The following EXTL3 variants were observed in gnomAD, a reference collection of about 807,000 sequenced individuals.
EXTL3 encodes the protein exostosin-like 3.
EXTL3 carries 27 observed loss-of-function variants against 69.3 expected under a neutral mutation model. That is an observed-to-expected ratio of 0.39 (90% confidence interval 0.29 to 0.54). EXTL3 has a LOEUF of 0.54. Ranked by LOEUF, EXTL3 falls within the 20% of genes least tolerant of loss-of-function variation. EXTL3 has a pLI of 0.69. For missense variants in EXTL3, 1,003 were observed against 1,231.8 expected, an observed-to-expected ratio of 0.81 and a Z score of 2.78; for synonymous variants, 511 against 499.4, an observed-to-expected ratio of 1.02 and a Z score of -0.31.
chr8:28,713,782 T>G (rs1367966838), intron 2 of EXTL3, among the ~76,000 whole-genome samples: 1 of 152,288 alleles, frequency 6.6e-6, no homozygotes, highest in East Asian at 1.9e-4. Flanking sequence ...AATATTATCA[T>G]CAACTTTAGG....
At chr8:28,712,006 C>A (rs1293867190) in intron 1 of EXTL3, among the ~76,000 whole-genome samples, 1 of 152,176 alleles carries the variant, frequency 6.6e-6, no homozygotes, top group African/African-American at 2.4e-5. Context: ...GGTTCCTCCC[C>A]TCGAGGATTA....
At chr8:28,608,120 A>G (rs1029979397) in intron 2 of EXTL3, among the ~76,000 whole-genome samples, 11 of 151,970 alleles carry the variant, frequency 7.2e-5, no homozygotes, top group African/African-American at 1.2e-4. Context: ...AAAAAAAAAA[A>G]AAAGAAAGAA....
chr8:28,680,146 C>T (rs1484897531), intron 1 of EXTL3, among the ~76,000 whole-genome samples: 1 of 151,630 alleles, frequency 6.6e-6, no homozygotes, highest in Non-Finnish European at 1.5e-5. Flanking sequence ...AATCCCAGCA[C>T]TTTGGGAGGC....
chr8:28,744,380 G>A (rs150219991), intron 6 of EXTL3, among the ~76,000 whole-genome samples: 3,168 of 152,312 alleles, frequency 0.021, 49 homozygotes, highest in Non-Finnish European at 0.033. Context: ...GTGTTCGACT[G>A]GGTGCGGTGG....
At chr8:28,708,675 C>G (rs1264441421) in intron 1 of EXTL3, among the ~76,000 whole-genome samples, 1 of 152,118 alleles carries the variant, frequency 6.6e-6, no homozygotes, top group Non-Finnish European at 1.5e-5. Flanking sequence ...CTGTGGAGAA[C>G]TCTCTTTACC....
At chr8:28,688,553 T>C (rs1266680794) in intron 1 of EXTL3, among the ~76,000 whole-genome samples, 1 of 152,152 alleles carries the variant, frequency 6.6e-6, no homozygotes, top group African/African-American at 2.4e-5. Flanking sequence ...GGAGAGAGTA[T>C]AGAGAGGTTA....
intron 1 of EXTL3, among the ~76,000 whole-genome samples, chr8:28,712,967 TA>T (rs1801061546): frequency 6.7e-6 from 1 of 148,836 alleles, no homozygotes; most frequent in Non-Finnish European, 1.5e-5. Context: ...GAGCCTGATA[TA>T]ATAAGCCCCC....
At chr8:28,616,871 A>C (rs1806338699) in intron 2 of EXTL3, among the ~76,000 whole-genome samples, 1 of 152,204 alleles carries the variant, frequency 6.6e-6, no homozygotes. Context: ...AGCTGTGGAC[A>C]CTGAAGGGAA....
chr8:28,638,406 T>C (rs1338419047), intron 1 of EXTL3, among the ~76,000 whole-genome samples: 3 of 152,160 alleles, frequency 2.0e-5, no homozygotes, highest in Admixed American at 2.0e-4. Context: ...ATCTGTGATA[T>C]CTGGCCCAGA....
chr8:28,718,265 C>T, intron 3 of EXTL3, 58 bp downstream of exon 3: 1 of 1,531,024 alleles, frequency 6.5e-7, no homozygotes, highest in Non-Finnish European at 9.0e-7. Flanking sequence ...ACTCTTAATC[C>T]CTTTTCCAAC....
chr8:28,624,592 G>A (rs1806463376), intron 1 of EXTL3, among the ~76,000 whole-genome samples: 1 of 151,882 alleles, frequency 6.6e-6, no homozygotes, highest in Non-Finnish European at 1.5e-5. Context: ...GTAATTGTGA[G>A]TAAAAAGAAA....
chr8:28,634,071 A>T (rs1806615270), intron 1 of EXTL3, among the ~76,000 whole-genome samples: 1 of 152,168 alleles, frequency 6.6e-6, no homozygotes, highest in South Asian at 2.1e-4. Flanking sequence ...GGTTGAGGAG[A>T]GAAACAGGGC....
At chr8:28,670,843 T>C (rs1385028088) in intron 1 of EXTL3, among the ~76,000 whole-genome samples, 1 of 152,156 alleles carries the variant, frequency 6.6e-6, no homozygotes, top group Non-Finnish European at 1.5e-5. Flanking sequence ...AAATTAGCCA[T>C]CACAAAGTGC....
At chr8:28,728,229 C>T (rs747389662) in intron 3 of EXTL3, among the ~76,000 whole-genome samples, 9 of 152,204 alleles carry the variant, frequency 5.9e-5, no homozygotes, top group Non-Finnish European at 1.3e-4. Flanking sequence ...AATGGATGGC[C>T]TCTTACCATT....
At chr8:28,694,942 G>A (rs1214991056) in intron 1 of EXTL3, among the ~76,000 whole-genome samples, 1 of 152,000 alleles carries the variant, frequency 6.6e-6, no homozygotes, top group Admixed American at 6.6e-5. Context: ...AACCCAGGAG[G>A]CAGAGGTTGC....
intron 1 of EXTL3, among the ~76,000 whole-genome samples, chr8:28,680,163 G>A (rs1807458410): frequency 6.6e-6 from 1 of 151,514 alleles, no homozygotes; most frequent in Non-Finnish European, 1.5e-5. Context: ...AGGCCAAGGC[G>A]GGCAGATCAC....
chr8:28,688,629 C>T (rs954985927), intron 1 of EXTL3, among the ~76,000 whole-genome samples: 1 of 152,194 alleles, frequency 6.6e-6, no homozygotes, highest in Non-Finnish European at 1.5e-5. Context: ...CTAAATCTTT[C>T]TGGGTTCAGA....
intron 1 of EXTL3, among the ~76,000 whole-genome samples, chr8:28,643,874 T>TCC: frequency 6.6e-6 from 1 of 152,112 alleles, no homozygotes; most frequent in African/African-American, 2.4e-5. Context: ...TAAGTGAACC[T>TCC]CCCCCCTGAG....
intron 1 of EXTL3, among the ~76,000 whole-genome samples, chr8:28,639,176 T>C (rs946869230): frequency 6.6e-6 from 1 of 152,036 alleles, no homozygotes; most frequent in Non-Finnish European, 1.5e-5. Context: ...GACCTTGTGA[T>C]TCGCCTGCCT....
Sources: allele counts gnomAD v4.1 joint callset (sites outside exome capture counted in the v4.1 genomes callset), GRCh38; gene constraint gnomAD v4.1.1; transcripts MANE v1.5; gene names NCBI Gene and HGNC (gene_info 2026-07-23, HGNC 2026-07-21).